The following DPH6 variants were observed in gnomAD, a reference collection of about 807,000 sequenced individuals.
The protein encoded by DPH6 is diphthine--ammonia ligase.
DPH6 carries 33 observed loss-of-function variants against 38.2 expected under a neutral mutation model. The ratio of observed to expected loss-of-function variants is 0.86; its 90% CI spans 0.65 to 1.15. DPH6 has a LOEUF of 1.15. Among genes scored for constraint, DPH6 ranks in the 50% most tolerant of loss-of-function variants. The pLI is 0.00. For synonymous variants in DPH6, 108 were observed against 103.0 expected, an observed-to-expected ratio of 1.05 and a Z score of -0.30; for missense variants, 325 against 320.0, an observed-to-expected ratio of 1.02 and a Z score of -0.12.
chr15:35,241,108 T>C (rs376593224), intron 3 of DPH6, among the ~76,000 whole-genome samples: 48 of 142,120 alleles, frequency 3.4e-4, no homozygotes, highest in African/African-American at 9.0e-4. Flanking sequence ...TCCTAAGCCG[T>C]GTCCCATCTG....
chr15:35,249,040 C>T (rs892780335), intron 3 of DPH6, among the ~76,000 whole-genome samples: 5 of 152,284 alleles, frequency 3.3e-5, no homozygotes, highest in Admixed American at 2.6e-4. Context: ...GAGGAAACCG[C>T]AGAATTATAT....
At chr15:35,354,812 G>A (rs1174974952) in intron 3 of DPH6, among the ~76,000 whole-genome samples, 2 of 151,878 alleles carry the variant, frequency 1.3e-5, no homozygotes, top group Non-Finnish European at 2.9e-5. Flanking sequence ...AGTTAGGGAG[G>A]ATTTCCTAAC....
intron 6 of DPH6, among the ~76,000 whole-genome samples, chr15:35,396,843 C>T (rs1017904185): frequency 2.0e-5 from 3 of 152,148 alleles, no homozygotes; most frequent in Non-Finnish European, 2.9e-5. Flanking sequence ...CATAAAGTCA[C>T]TCTGCAGGGA....
At chr15:35,451,731 A>C (rs966511736) in intron 4 of DPH6, among the ~76,000 whole-genome samples, 1 of 152,110 alleles carries the variant, frequency 6.6e-6, no homozygotes, top group African/African-American at 2.4e-5. Flanking sequence ...ATAAAATAGG[A>C]CAGGCGCGGT....
chr15:35,416,165 A>G (rs529406295), intron 5 of DPH6, among the ~76,000 whole-genome samples: 2 of 152,118 alleles, frequency 1.3e-5, no homozygotes, highest in Non-Finnish European at 2.9e-5. Context: ...AAAAAATCTC[A>G]TAGTGTTAGA....
At chr15:35,347,273 A>T (rs983867483) in intron 3 of DPH6, among the ~76,000 whole-genome samples, 1 of 152,130 alleles carries the variant, frequency 6.6e-6, no homozygotes, top group African/African-American at 2.4e-5. Flanking sequence ...TTCACTTAGC[A>T]TAATGTCCTC....
rs552720771 is a variant in DPH6 at position 35,239,598 on chromosome 15, C to T, written n.201-19016G>A. On this transcript the variant is annotated intron_variant and non_coding_transcript_variant, in intron 3 of 3. Coordinates refer to the DPH6 transcript ENST00000560386. ...TACCCCTTCTCTGCCTTTCCTGGGG[C>T]GGGGGCAAGTACCCCTCAACCCCTT... Among the ~76,000 whole-genome samples the T allele has an allele frequency of 4.1e-4, 58 of 141,530 alleles. 8 individuals are homozygous for T. The highest frequency in any genetic ancestry group is 6.1e-4 in the Admixed American group (8 of 13,122). 92.8% of individuals were successfully genotyped at this position (141,530 alleles called of 152,430 possible).
At chr15:35,248,905 G>A (rs2051653788) in intron 3 of DPH6, among the ~76,000 whole-genome samples, 1 of 152,154 alleles carries the variant, frequency 6.6e-6, no homozygotes, top group African/African-American at 2.4e-5. Flanking sequence ...TATAATTAAA[G>A]GGCAAGTAAT....
chr15:35,517,334 T>C (rs1047157873), intron 3 of DPH6, among the ~76,000 whole-genome samples: 1 of 152,152 alleles, frequency 6.6e-6, no homozygotes, highest in African/African-American at 2.4e-5. Flanking sequence ...AGAGCAGCTG[T>C]ATTTCACTGT....
chr15:35,521,047 G>A, intron 3 of DPH6: 1 of 985,164 alleles, frequency 1.0e-6, no homozygotes. Flanking sequence ...ATGGTATGTA[G>A]ATTTCATTTT....
intron 3 of DPH6, among the ~76,000 whole-genome samples, chr15:35,280,379 G>A (rs1037900023): frequency 6.6e-6 from 1 of 151,882 alleles, no homozygotes; most frequent in Non-Finnish European, 1.5e-5. Context: ...TGGAGGTTAG[G>A]GTAAAGAAAA....
chr15:35,294,571 C>A (rs1385610856), intron 3 of DPH6, among the ~76,000 whole-genome samples: 10 of 151,996 alleles, frequency 6.6e-5, no homozygotes, highest in Non-Finnish European at 1.5e-4. Flanking sequence ...TTTTTGTCTT[C>A]AATGTCTGCT....
At chr15:35,383,262 T>C (rs538343435) in intron 6 of DPH6, among the ~76,000 whole-genome samples, 9 of 152,340 alleles carry the variant, frequency 5.9e-5, no homozygotes, top group African/African-American at 2.2e-4. Context: ...AGTAAAATAA[T>C]GTAAGCTGCT....
At chr15:35,221,238 C>T (rs772625802) in intron 3 of DPH6, among the ~76,000 whole-genome samples, 1 of 152,240 alleles carries the variant, frequency 6.6e-6, no homozygotes, top group African/African-American at 2.4e-5. Flanking sequence ...TCTGCTCATG[C>T]AGCAGCTATC....
chr15:35,287,468 C>T (rs538613661), intron 3 of DPH6, among the ~76,000 whole-genome samples: 1 of 152,256 alleles, frequency 6.6e-6, no homozygotes, highest in Non-Finnish European at 1.5e-5. Flanking sequence ...TCTTCTTGAT[C>T]TACTTGTAAT....
At chr15:35,283,490 G>A (rs1010391783) in intron 3 of DPH6, among the ~76,000 whole-genome samples, 32 of 151,854 alleles carry the variant, frequency 2.1e-4, no homozygotes, top group Non-Finnish European at 2.9e-5. Flanking sequence ...CAGAGATGGG[G>A]TTTCACCATA....
chr15:35,435,165 G>A (rs769100483), intron 5 of DPH6, among the ~76,000 whole-genome samples: 1 of 152,066 alleles, frequency 6.6e-6, no homozygotes, highest in South Asian at 2.1e-4. Context: ...TTATCTACAC[G>A]ACCCTTCCAC....
At chr15:35,359,049 G>T (rs2052591797) in intron 3 of DPH6, among the ~76,000 whole-genome samples, 2 of 152,088 alleles carry the variant, frequency 1.3e-5, no homozygotes, top group African/African-American at 4.8e-5. Flanking sequence ...CCGTGGGCGT[G>T]TCTTGCTGTG....
At chr15:35,540,092 T>G (rs564234554) in intron 2 of DPH6, among the ~76,000 whole-genome samples, 9 of 152,188 alleles carry the variant, frequency 5.9e-5, no homozygotes, top group African/African-American at 1.9e-4. Context: ...CAAGAAACAT[T>G]CTGATGTTAG....
Sources: allele counts gnomAD v4.1 joint callset (sites outside exome capture counted in the v4.1 genomes callset), GRCh38; gene constraint gnomAD v4.1.1; transcripts MANE v1.5; gene names NCBI Gene and HGNC (gene_info 2026-07-23, HGNC 2026-07-21).